Variants in SNX20 observed in about 807,000 individuals in gnomAD.
The protein encoded by SNX20 is sorting nexin 20.
A neutral mutation model predicts 24.5 loss-of-function variants in SNX20; 21 were observed. That is an observed-to-expected ratio of 0.86 (90% CI 0.61 to 1.23). SNX20 has a LOEUF of 1.23. Among genes scored for constraint, SNX20 ranks in the 50% most tolerant of loss-of-function variants. The pLI is 0.00. For missense variants in SNX20, 433 were observed against 430.8 expected, an observed-to-expected ratio of 1.00 and a Z score of -0.04; for synonymous variants, 206 against 192.8, an observed-to-expected ratio of 1.07 and a Z score of -0.57.
In SNX20 at chr16:50,673,494, T is replaced by C. The variant is rs748499124; in HGVS notation, c.863A>G (p.Gln288Arg). ...YALGKDFVTL[Q>R]ERLEESQLRR... Reference sequence around the variant, plus strand: ...GAGCTGGCTCTCCTCCAGCCTCTCCTGCAGAGTCACGAAGTCCTTGCCCAG... The same window carrying C: ...GAGCTGGCTCTCCTCCAGCCTCTCCCGCAGAGTCACGAAGTCCTTGCCCAG... The change falls in exon 4 of 4, where the codon CAG (glutamine) becomes CGG (arginine). Residue 288 changes from glutamine to arginine, a missense_variant. Physicochemically the swap from Gln to Arg is conservative, Grantham distance 43 (BLOSUM62 1). Coordinates refer to ENST00000330943, the MANE Select transcript of SNX20 (RefSeq NM_182854.4). The surrounding 1 kb of genome is among the most constrained non-coding windows in gnomAD (Gnocchi z 4.1). 4 of 1,609,296 alleles carry C rather than the reference T, an allele frequency of 2.5e-6. No individual in the cohort carries two copies. The Admixed American group carries it at 6.7e-5, about 27-fold the overall frequency.
At chr16:50,668,131 G>C (rs4258614), downstream of SNX20, 35,691 of 1,548,822 alleles carry the variant, frequency 0.023, 7,035 homozygotes, top group African/African-American at 0.43. Context: ...GAACACTCGA[G>C]TTGGTGACCA....
chr16:50,676,614 G>A (rs1038295590), intron 2 of SNX20, among the ~76,000 whole-genome samples: 2 of 152,198 alleles, frequency 1.3e-5, no homozygotes, highest in Non-Finnish European at 2.9e-5. Flanking sequence ...TACCCTTCAA[G>A]ACCCAGCCCC....
chr16:50,673,985 C>T lies in SNX20; in HGVS notation c.372G>A (p.Gln124=). 6.2e-7 allele frequency: 1 copy of T among 1,613,066 alleles called. No homozygotes were observed. The highest frequency in any genetic ancestry group is 1.1e-5 in the South Asian group (1 of 90,846). Residue 124 remains glutamine (Q), a synonymous_variant, in exon 4 of 4, where the codon CAG becomes CAA. Coordinates refer to ENST00000330943, the MANE Select transcript of SNX20 (RefSeq NM_182854.4). This position sits in a 1 kb window ranked among gnomAD's most constrained non-coding sequence, Gnocchi z 4.1. ...CCCTGAACGTCTTCAGCAGCGCTTT[C>T]TGGAGCTTCGCGAAGTCGGAATAGC... ...ERRYSDFAKL[Q]KALLKTFREE...
At position 50,673,242 on chromosome 16, in the gene SNX20, A is replaced by G. The variant is rs377080697; in HGVS notation, c.*164T>C. The G allele has an allele frequency of 1.0e-5, 12 of 1,197,058 alleles. No homozygotes were observed. Among genetic ancestry groups the G allele is most frequent in the East Asian group, 6.3e-5 (2 of 31,586 alleles). The allele number at this position is 1,197,058 out of a possible 1,614,324, so 74.2% of individuals were successfully genotyped here. A position where few individuals can be genotyped will look rare whatever the true frequency, so the allele number is the denominator to read the frequency against. ...CTTGTGCCCAGGAGTTTGAGGCTGC[A>G]GTGAGACATAATTGAGCCACTGCAC... On this transcript the variant is annotated 3_prime_UTR_variant, in exon 4 of 4. Coordinates refer to ENST00000330943, the MANE Select transcript of SNX20 (RefSeq NM_182854.4). This position sits in a 1 kb window ranked among gnomAD's most constrained non-coding sequence, Gnocchi z 4.1.
Position 50,673,457 on chromosome 16 carries a change from C to A in SNX20, c.900G>T (p.Thr300=). 1 of 1,597,780 alleles carries A rather than the reference C, an allele frequency of 6.3e-7. No homozygotes were observed. The highest frequency in any genetic ancestry group is 8.5e-7 in the Non-Finnish European group (1 of 1,173,032). The change falls in exon 4 of 4, where the codon ACG becomes ACT. Residue 300 remains threonine (T), a synonymous_variant. Coordinates refer to ENST00000330943, the MANE Select transcript of SNX20 (RefSeq NM_182854.4). The surrounding 1 kb of genome is among the most constrained non-coding windows in gnomAD (Gnocchi z 4.1). ...RLEESQLRRP[T]PRGITLKELT... is the part of the protein sequence containing the mutation. Reference sequence around the variant, plus strand: ...GCTCCTTCAGGGTGATGCCTCGGGGCGTGGGCCTCCGGAGCTGGCTCTCCT... The same window carrying A: ...GCTCCTTCAGGGTGATGCCTCGGGGAGTGGGCCTCCGGAGCTGGCTCTCCT...
At position 50,673,995 on chromosome 16, in the gene SNX20, G is replaced by C. The variant is rs376792548; in HGVS notation, c.362C>G (p.Ala121Gly). The C allele has an allele frequency of 6.2e-7, 1 of 1,612,832 alleles. No homozygotes were observed. The highest frequency in any genetic ancestry group is 8.5e-7 in the Non-Finnish European group (1 of 1,179,564). ...CTTCAGCAGCGCTTTCTGGAGCTTCGCGAAGTCGGAATAGCGCCGTTCCAG... is the reference window on the plus strand; with the variant it reads ...CTTCAGCAGCGCTTTCTGGAGCTTCCCGAAGTCGGAATAGCGCCGTTCCAG... ...AVLERRYSDF[A>G]KLQKALLKTF... Residue 121 changes from alanine to glycine, a missense_variant, in exon 4 of 4, where the codon GCG (alanine) becomes GGG (glycine). Coordinates refer to ENST00000330943, the MANE Select transcript of SNX20 (RefSeq NM_182854.4). This position sits in a 1 kb window ranked among gnomAD's most constrained non-coding sequence, Gnocchi z 4.1.
chr16:50,680,307 C>G (rs1007886131), intron 1 of SNX20, among the ~76,000 whole-genome samples: 4 of 152,180 alleles, frequency 2.6e-5, no homozygotes, highest in African/African-American at 9.7e-5. Flanking sequence ...CTTCCCTCTC[C>G]TCACCCTCTG....
At position 50,677,469 on chromosome 16, in the gene SNX20, T is replaced by G. The variant is rs1963209256; in HGVS notation, c.58A>C (p.Thr20Pro). ...PGCMGPITQC[T>P]ARTQQEAPAT... Reference sequence around the variant, plus strand: ...GGTGCTTCCTGCTGGGTCCTTGCCGTGCACTGGGTTATGGGTCCCATGCAG... The same window carrying G: ...GGTGCTTCCTGCTGGGTCCTTGCCGGGCACTGGGTTATGGGTCCCATGCAG... The change falls in exon 2 of 4, where the codon ACG becomes CCG. Residue 20 changes from threonine (T) to proline (P), a missense_variant. Transcript: ENST00000330943. 6.2e-7 allele frequency: 1 copy of G among 1,610,168 alleles called. No individual in the cohort carries two copies. The highest frequency in any genetic ancestry group is 8.5e-7 in the Non-Finnish European group (1 of 1,178,206).
At position 50,673,487 on chromosome 16, in the gene SNX20, CCT is replaced by C. The variant is rs758353023; in HGVS notation, c.868_869del (p.Arg290AlafsTer73). 56 of 1,608,088 alleles carry C rather than the reference CCT, an allele frequency of 3.5e-5. No individual in the cohort carries two copies. The highest frequency in any genetic ancestry group is 5.4e-5 in the African/African-American group (4 of 74,132). On this transcript the variant is annotated frameshift_variant, in exon 4 of 4. Coordinates refer to ENST00000330943, the MANE Select transcript of SNX20 (RefSeq NM_182854.4). LOFTEE classifies it high-confidence loss of function. The surrounding 1 kb of genome is among the most constrained non-coding windows in gnomAD (Gnocchi z 4.1). ...GCCTCCGGAGCTGGCTCTCCTCCAG[CCT>C]CTCCTGCAGAGTCACGAAGTCCTTG... ...LGKDFVTLQERLEESQLRRPT... is the reference protein window; with the variant it reads ...LGKDFVTLQEXLEESQLRRPT...
At chr16:50,669,158 G>C (rs1470823431), downstream of SNX20, 7 of 1,160,420 alleles carry the variant, frequency 6.0e-6, no homozygotes. Context: ...TCTGTAAACA[G>C]AGGTGAGTGA....
intron 1 of SNX20, among the ~76,000 whole-genome samples, chr16:50,679,058 G>T (rs1963241696): frequency 1.0e-5 from 1 of 98,076 alleles, no homozygotes; most frequent in Admixed American, 9.3e-5. Context: ...CGGCTGGAGG[G>T]AGTAGCTGGT....
At position 50,672,788 on chromosome 16, in the gene SNX20, CA is replaced by C. The variant is rs1963079270; in HGVS notation, c.*617del. 1.3e-5 allele frequency: 2 copies of C among 152,152 alleles called. No homozygotes were observed. The highest frequency in any genetic ancestry group is 1.3e-4 in the Admixed American group (2 of 15,258). 9.4% of individuals were successfully genotyped at this position (152,152 alleles called of 1,614,324 possible). A position where few individuals can be genotyped will look rare whatever the true frequency, so the allele number is the denominator to read the frequency against. On this transcript the variant is annotated 3_prime_UTR_variant, in exon 4 of 4. Coordinates refer to ENST00000330943, the MANE Select transcript of SNX20 (RefSeq NM_182854.4). ...CTTCTTCTCCAGCTTCCCACAAAGA[CA>C]CTGGTGGGGTGGACACTGCTCTGGA... is the stretch of plus-strand genomic sequence containing the variant.
Position 50,674,079 on chromosome 16 carries a change from G to A in SNX20, c.283-5C>T, listed in dbSNP as rs564569275. ...GATGACGATGATTTGGTACACCTAG[G>A]GCGCAACCAGAGAGAGCTGTGGCCA... On this transcript the variant is annotated splice_region_variant and splice_polypyrimidine_tract_variant and intron_variant, in intron 3 of 3. Coordinates refer to ENST00000330943, the MANE Select transcript of SNX20 (RefSeq NM_182854.4). The A allele has an allele frequency of 2.5e-6, 4 of 1,587,170 alleles. No homozygotes were observed. The highest frequency in any genetic ancestry group is 1.1e-5 in the South Asian group (1 of 87,668).
downstream of SNX20, chr16:50,668,218 GA>G: frequency 6.8e-7 from 1 of 1,474,060 alleles, no homozygotes; most frequent in Non-Finnish European, 9.0e-7. Flanking sequence ...GGCAACACGG[GA>G]TGATCAGCGC....
At chr16:50,674,246 TTTA>T (rs1362449933) in intron 3 of SNX20, among the ~76,000 whole-genome samples, 172 bp from the exon 4 acceptor site, 4 of 151,652 alleles carry the variant, frequency 2.6e-5, no homozygotes, top group African/African-American at 7.3e-5. Flanking sequence ...TATTTATTTA[TTTA>T]TTTATTTATT....
chr16:50,673,876 G>T lies in SNX20; in HGVS notation c.481C>A (p.Leu161Met), dbSNP rs760316629. 1.2e-6 allele frequency: 2 copies of T among 1,607,588 alleles called. No homozygotes were observed. Among genetic ancestry groups the T allele is most frequent in the East Asian group, 4.5e-5 (2 of 44,800 alleles). The stretch of plus-strand genomic sequence containing the variant: ...TAGAGCAGGCCCAGGTACTCCTGCA[G>T]GGCGCGCCGACGCTCACAGATCATC... ...EEMICERRRALQEYLGLLYAI... is the reference protein window; with the variant it reads ...EEMICERRRAMQEYLGLLYAI... The change falls in exon 4 of 4, where the codon CTG (leucine) becomes ATG (methionine). Residue 161 changes from leucine (L) to methionine (M), a missense_variant. By Grantham distance (15) the Leu-to-Met change is conservative. Coordinates refer to ENST00000330943, the MANE Select transcript of SNX20 (RefSeq NM_182854.4). The surrounding 1 kb of genome is among the most constrained non-coding windows in gnomAD (Gnocchi z 4.1).
chr16:50,676,585 TC>T (rs941154589), intron 2 of SNX20, among the ~76,000 whole-genome samples: 3 of 152,188 alleles, frequency 2.0e-5, no homozygotes, highest in African/African-American at 7.2e-5. Context: ...AGGGCATGGG[TC>T]CCAGCCCTTT....
chr16:50,676,042 T>G lies in SNX20; in HGVS notation c.131-121A>C, dbSNP rs73575725. The G allele has an allele frequency of 0.019, 20,359 of 1,072,092 alleles. 2,709 individuals are homozygous for G. The African/African-American group carries it at 0.3, about 16-fold the overall frequency. 66.4% of individuals were successfully genotyped at this position (1,072,092 alleles called of 1,614,324 possible). A position where few individuals can be genotyped will look rare whatever the true frequency, so the allele number is the denominator to read the frequency against. On this transcript the variant is annotated intron_variant, in intron 2 of 3. Transcript: ENST00000330943. ...CAGAACTCCTGAAGAGTATTGAATA[T>G]CCCTCTCTCCCACCCCGCCATTTAT...
downstream of SNX20, chr16:50,667,942 C>T: frequency 7.1e-7 from 1 of 1,415,312 alleles, no homozygotes; most frequent in South Asian, 1.2e-5. Context: ...TAGGGGGGGA[C>T]CCACTCAAGG....
Sources: allele counts gnomAD v4.1 joint callset (sites outside exome capture counted in the v4.1 genomes callset), GRCh38; gene constraint gnomAD v4.1.1; non-coding constraint Gnocchi (gnomAD v3.1); transcripts MANE v1.5; gene names NCBI Gene and HGNC (gene_info 2026-07-23, HGNC 2026-07-21).